Variants in HS6ST2 observed in about 807,000 individuals in gnomAD.
HS6ST2 encodes heparan sulfate 6-O-sulfotransferase 2, also known as heparan-sulfate 6-O-sulfotransferase 2.
Under a neutral mutation model 33.0 loss-of-function variants are expected in HS6ST2, and 17 were observed. The observed-to-expected ratio is 0.52, with a 90% CI of 0.35 to 0.77. HS6ST2 has a LOEUF of 0.77. Among genes scored for constraint, HS6ST2 ranks in the 30% least tolerant of loss-of-function variants. HS6ST2 has a pLI of 0.01. For missense variants in HS6ST2, 519 were observed against 551.7 expected, an observed-to-expected ratio of 0.94 and a Z score of 0.59; for synonymous variants, 248 against 237.1, an observed-to-expected ratio of 1.05 and a Z score of -0.42.
intron 3 of HS6ST2, among the ~76,000 whole-genome samples, chrX:132,702,886 G>A (rs1178668345): frequency 9.0e-6 from 1 of 111,661 alleles, no homozygotes; most frequent in Non-Finnish European, 1.9e-5. Context: ...ACAGTGCCTG[G>A]ATCATAATAA....
intron 2 of HS6ST2, among the ~76,000 whole-genome samples, chrX:132,919,086 A>T (rs1012740029): frequency 1.8e-5 from 2 of 111,902 alleles, no homozygotes; most frequent in African/African-American, 6.5e-5. Flanking sequence ...CTTTAATGAG[A>T]TGTGTATAAT....
At chrX:132,787,182 T>TA (rs2065072534) in intron 2 of HS6ST2, among the ~76,000 whole-genome samples, 1 of 81,779 alleles carries the variant, frequency 1.2e-5, no homozygotes, top group African/African-American at 5.5e-5. Context: ...TATATATATA[T>TA]ATATACATAT....
intron 2 of HS6ST2, among the ~76,000 whole-genome samples, chrX:132,895,039 C>T (rs2066360784): frequency 8.9e-6 from 1 of 112,152 alleles, no homozygotes; most frequent in African/African-American, 3.2e-5. Context: ...AGCTACAAAA[C>T]TAAAACCTCT....
chrX:132,953,604 G>A (rs1034649317), intron 2 of HS6ST2, among the ~76,000 whole-genome samples: 6 of 111,630 alleles, frequency 5.4e-5, no homozygotes, highest in Non-Finnish European at 9.4e-5. Context: ...GGCTCCTACT[G>A]AAGCTCATCC....
intron 4 of HS6ST2, among the ~76,000 whole-genome samples, chrX:132,652,936 CTT>C (rs2063704954): frequency 9.0e-6 from 1 of 111,161 alleles, no homozygotes; most frequent in Non-Finnish European, 1.9e-5. Context: ...GGGATTCAGA[CTT>C]AGATTTTTTT....
chrX:132,820,180 C>T (rs2065437387), intron 2 of HS6ST2, among the ~76,000 whole-genome samples: 1 of 101,712 alleles, frequency 9.8e-6, no homozygotes, highest in Non-Finnish European at 2.0e-5. Flanking sequence ...TGAAGGCAAG[C>T]AGACTATGCC....
intron 2 of HS6ST2, among the ~76,000 whole-genome samples, chrX:132,732,570 C>T (rs1323403285): frequency 9.0e-6 from 1 of 111,053 alleles, no homozygotes; most frequent in Non-Finnish European, 1.9e-5. Flanking sequence ...GGGCTGGTTT[C>T]CCCTATGCTG....
At chrX:132,780,674 C>T (rs1280247338) in intron 2 of HS6ST2, among the ~76,000 whole-genome samples, 1 of 111,378 alleles carries the variant, frequency 9.0e-6, no homozygotes, top group African/African-American at 3.3e-5. Context: ...GAGTTTCCAC[C>T]TAATGGAGTT....
At chrX:132,729,070 T>G (rs1328632668) in intron 2 of HS6ST2, among the ~76,000 whole-genome samples, 1 of 112,152 alleles carries the variant, frequency 8.9e-6, no homozygotes, top group Non-Finnish European at 1.9e-5. Context: ...CAAGATGACA[T>G]GCCAGTCACT....
intron 2 of HS6ST2, among the ~76,000 whole-genome samples, chrX:132,932,164 T>C (rs1235262244): frequency 2.0e-5 from 2 of 97,942 alleles, no homozygotes; most frequent in Non-Finnish European, 4.1e-5. Flanking sequence ...TCAGCCTGGG[T>C]GACAGAGCAA....
intron 2 of HS6ST2, among the ~76,000 whole-genome samples, chrX:132,943,198 T>G (rs769573344): frequency 8.9e-6 from 1 of 111,744 alleles, no homozygotes; most frequent in Non-Finnish European, 1.9e-5. Flanking sequence ...TTACTTCAGG[T>G]CTCCATTCCA....
chrX:132,852,157 AT>A (rs2065809175), intron 2 of HS6ST2, among the ~76,000 whole-genome samples: 1 of 111,217 alleles, frequency 9.0e-6, no homozygotes, highest in South Asian at 3.9e-4. Context: ...AAAGAGAGAA[AT>A]TTGTGAAACA....
intron 2 of HS6ST2, among the ~76,000 whole-genome samples, chrX:132,750,513 C>A (rs1273907595): frequency 1.8e-5 from 2 of 111,476 alleles, no homozygotes; most frequent in Non-Finnish European, 3.8e-5. Flanking sequence ...AGTAGTGCTG[C>A]TAGCTTTGTT....
intron 2 of HS6ST2, among the ~76,000 whole-genome samples, chrX:132,943,103 C>A (rs1416823950): frequency 8.9e-6 from 1 of 111,903 alleles, no homozygotes. Context: ...CAGAGTTCAC[C>A]TTGAAAGAGT....
chrX:132,805,823 C>T (rs1004044230), intron 2 of HS6ST2, among the ~76,000 whole-genome samples: 14 of 110,398 alleles, frequency 1.3e-4, no homozygotes, highest in African/African-American at 3.9e-4. Context: ...AAATCTAGTT[C>T]CAGTACTCAG....
rs775468603 is a variant in HS6ST2 at position 132,890,722 on chromosome X, G to A, written c.947+66086C>T. ...AGTAACGATGAGCCTCACTTCTACC[G>A]TATTGCTGGCTGAGGGTGCTACATG... On this transcript the variant is annotated intron_variant, in intron 2 of 4. Coordinates refer to ENST00000370833, the MANE Select transcript of HS6ST2 (RefSeq NM_001394073.1). Among the ~76,000 whole-genome samples the A allele has an allele frequency of 3.6e-5, 4 of 110,978 alleles. No individual in the cohort carries two copies. The South Asian group carries it at 1.6e-3, about 44-fold the overall frequency.
intron 2 of HS6ST2, among the ~76,000 whole-genome samples, chrX:132,847,561 T>C (rs1022809193): frequency 1.8e-5 from 2 of 111,541 alleles, no homozygotes; most frequent in Non-Finnish European, 3.8e-5. Flanking sequence ...TAACAGAATC[T>C]TGGACTCCAC....
Position 132,772,810 on chromosome X carries a change from ATATAT to A in HS6ST2, c.948-64321_948-64317del, listed in dbSNP as rs1302408679. Among the ~76,000 whole-genome samples the A allele has an allele frequency of 1.1e-4, 10 of 91,681 alleles. No individual in the cohort carries two copies. The South Asian group carries it at 4.6e-3, about 42-fold the overall frequency. The allele number at this position is 91,681 out of a possible 115,157, so 79.6% of individuals were successfully genotyped here. A position where few individuals can be genotyped will look rare whatever the true frequency, so the allele number is the denominator to read the frequency against. ...TATATGATATAATATAAAATATAAT[ATATAT>A]TATATTATATATTCTATAATATAAA... On this transcript the variant is annotated intron_variant, in intron 2 of 4. Coordinates refer to ENST00000370833, the MANE Select transcript of HS6ST2 (RefSeq NM_001394073.1).
intron 2 of HS6ST2, among the ~76,000 whole-genome samples, chrX:132,901,246 C>A (rs776877712): frequency 3.6e-5 from 4 of 111,900 alleles, no homozygotes; most frequent in Admixed American, 9.5e-5. Flanking sequence ...TGCCTAGATT[C>A]CTAACTCACT....
Sources: gnomAD v4.1 joint callset for allele counts (sites outside exome capture counted in the v4.1 genomes callset) on GRCh38, gnomAD v4.1.1 for gene constraint, MANE v1.5 for transcripts, NCBI Gene and HGNC (gene_info 2026-07-23, HGNC 2026-07-21) for gene names.